The following COPG2 variants were observed in gnomAD, a reference collection of about 807,000 sequenced individuals.
COPG2 encodes coat protein complex I subunit gamma 2.
A neutral mutation model predicts 46.3 loss-of-function variants in COPG2; 37 were observed. That is an observed-to-expected ratio of 0.80 (90% CI 0.61 to 1.05). The LOEUF (loss-of-function observed/expected upper bound fraction) is 1.05, where lower values mean the gene tolerates loss of function less well. Ranked by LOEUF, COPG2 falls within the 50% of genes least tolerant of loss-of-function variation. The pLI is 0.00. For missense variants in COPG2, 427 were observed against 387.8 expected, an observed-to-expected ratio of 1.10 and a Z score of -0.85; for synonymous variants, 159 against 129.7, an observed-to-expected ratio of 1.23 and a Z score of -1.53.
At chr7:130,507,466 T>A in intron 22 of COPG2, 94 bp from the exon 23 acceptor site, 1 of 744,402 alleles carries the variant, frequency 1.3e-6, no homozygotes. Context: ...GGTGGAAGGG[T>A]TTGTTGGTGA....
At chr7:130,661,723 G>A (rs1420212250) in intron 4 of COPG2, among the ~76,000 whole-genome samples, 1 of 152,168 alleles carries the variant, frequency 6.6e-6, no homozygotes, top group Non-Finnish European at 1.5e-5. Context: ...GGATGCCATA[G>A]AAGATTTTAG....
chr7:130,619,163 A>G (rs1473387802), intron 5 of COPG2, among the ~76,000 whole-genome samples: 2 of 152,166 alleles, frequency 1.3e-5, no homozygotes, highest in Non-Finnish European at 2.9e-5. Context: ...TTTTTCAATG[A>G]TGGAAAATGT....
intron 20 of COPG2, among the ~76,000 whole-genome samples, chr7:130,522,863 A>G (rs1254645688): frequency 3.3e-5 from 5 of 151,988 alleles, no homozygotes; most frequent in Non-Finnish European, 5.9e-5. Context: ...AAGCACAAGA[A>G]GGCTCCAGGC....
Position 130,666,233 on chromosome 7 carries a change from T to A in COPG2, c.171+616A>T, listed in dbSNP as rs1471606055. 3.9e-5 allele frequency among the ~76,000 whole-genome samples: 6 copies of A among 152,296 alleles called. No homozygotes were observed. The East Asian group carries it at 1.2e-3, about 29-fold the overall frequency. On this transcript the variant is annotated intron_variant, in intron 3 of 23. Transcript: ENST00000425248. Reference sequence around the variant, plus strand: ...AAATCTGAATATTAACAATCAAAGCTTTAAAACATCATTACACACATAAAA... The same window carrying A: ...AAATCTGAATATTAACAATCAAAGCATTAAAACATCATTACACACATAAAA...
chr7:130,549,043 C>CA (rs1284034360), intron 18 of COPG2, among the ~76,000 whole-genome samples: 27,826 of 110,372 alleles, frequency 0.25, 2,876 homozygotes, highest in East Asian at 0.37. Flanking sequence ...AAGCAAAAAG[C>CA]AAAAAAAAAA....
chr7:130,586,723 A>G (rs1794279194), intron 9 of COPG2, among the ~76,000 whole-genome samples: 1 of 151,898 alleles, frequency 6.6e-6, no homozygotes, highest in Non-Finnish European at 1.5e-5. Context: ...CGGCCTCCCA[A>G]AGTGCTGGGA....
At chr7:130,651,583 C>G (rs1192032619) in intron 5 of COPG2, among the ~76,000 whole-genome samples, 4 of 139,218 alleles carry the variant, frequency 2.9e-5, no homozygotes, top group African/African-American at 1.1e-4. Flanking sequence ...GTGGCGCAAT[C>G]TCGGCTCACT....
intron 11 of COPG2, among the ~76,000 whole-genome samples, chr7:130,563,020 T>TC (rs1168848014): frequency 6.6e-6 from 1 of 152,212 alleles, no homozygotes; most frequent in Non-Finnish European, 1.5e-5. Flanking sequence ...CACTGGTGGC[T>TC]AATGGCCACC....
At chr7:130,550,499 A>G in intron 17 of COPG2, 25 bp downstream of exon 17, 1 of 393,078 alleles carries the variant, frequency 2.5e-6, no homozygotes, top group Non-Finnish European at 4.5e-6. Context: ...AACTACTTAT[A>G]CACAGAAAAA....
At chr7:130,609,056 C>T (rs1193863633) in intron 9 of COPG2, among the ~76,000 whole-genome samples, 1 of 151,942 alleles carries the variant, frequency 6.6e-6, no homozygotes, top group Non-Finnish European at 1.5e-5. Flanking sequence ...TTTGTATTTT[C>T]TTCTGATAGA....
chr7:130,537,133 GA>G (rs1332079548), intron 20 of COPG2, among the ~76,000 whole-genome samples: 3 of 152,102 alleles, frequency 2.0e-5, no homozygotes, highest in African/African-American at 7.2e-5. Flanking sequence ...ACGAATGAGT[GA>G]CAAAGACAAA....
intron 11 of COPG2, among the ~76,000 whole-genome samples, chr7:130,563,042 T>G (rs2116404093): frequency 6.6e-6 from 1 of 152,320 alleles, no homozygotes; most frequent in South Asian, 2.1e-4. Context: ...TATTGGACAG[T>G]GTGGCTCTTG....
At chr7:130,610,510 C>A (rs1554451871) in intron 9 of COPG2, 1 of 519,042 alleles carries the variant, frequency 1.9e-6, no homozygotes, top group Non-Finnish European at 3.9e-6. Flanking sequence ...CTCATTCCTG[C>A]CCTTCCCTAG....
At chr7:130,576,492 T>G (rs1338761322) in intron 9 of COPG2, among the ~76,000 whole-genome samples, 1 of 152,162 alleles carries the variant, frequency 6.6e-6, no homozygotes, top group Non-Finnish European at 1.5e-5. Flanking sequence ...GAAATCAAGA[T>G]GGAAATCAAA....
intron 9 of COPG2, among the ~76,000 whole-genome samples, chr7:130,576,781 G>GAAAC (rs200124275): frequency 5.3e-5 from 8 of 151,948 alleles, no homozygotes; most frequent in African/African-American, 1.5e-4. Context: ...AAATGAAATT[G>GAAAC]AAACAAACAA....
chr7:130,632,264 AG>A (rs1477608349), intron 5 of COPG2, among the ~76,000 whole-genome samples: 2 of 152,158 alleles, frequency 1.3e-5, no homozygotes, highest in African/African-American at 4.8e-5. Flanking sequence ...CCTTTCTTTC[AG>A]CACTTTAAAG....
In COPG2 at chr7:130,667,595, T is replaced by C. The variant is rs530237813; in HGVS notation, c.38-61A>G. ...AGCTGTTCTACACAAACTTATATAC[T>C]TTCCAGAGAAGGGTACTGAATGCTT... On this transcript the variant is annotated intron_variant, in intron 1 of 23. Transcript: ENST00000425248. 1.9e-5 allele frequency: 26 copies of C among 1,375,382 alleles called. No individual in the cohort carries two copies. In the South Asian group the frequency reaches 3.0e-4, roughly 16 times the overall value. 85.2% of individuals were successfully genotyped at this position (1,375,382 alleles called of 1,614,324 possible). A position where few individuals can be genotyped will look rare whatever the true frequency, so the allele number is the denominator to read the frequency against.
intron 12 of COPG2, among the ~76,000 whole-genome samples, chr7:130,555,777 T>C (rs1452073924): frequency 1.3e-5 from 2 of 151,992 alleles, no homozygotes; most frequent in African/African-American, 4.8e-5. Context: ...TTGCAGTCAG[T>C]TGAGATCGCA....
At chr7:130,516,010 G>A (rs1034639401) in intron 20 of COPG2, among the ~76,000 whole-genome samples, 9 of 152,128 alleles carry the variant, frequency 5.9e-5, no homozygotes, top group Non-Finnish European at 1.3e-4. Context: ...AACAGTGAGT[G>A]TTGAGTGTGA....
Sources: gnomAD v4.1 joint callset for allele counts (sites outside exome capture counted in the v4.1 genomes callset) on GRCh38, gnomAD v4.1.1 for gene constraint, MANE v1.5 for transcripts, NCBI Gene and HGNC (gene_info 2026-07-23, HGNC 2026-07-21) for gene names.